GALNT16: variants seen among roughly 807,000 people sequenced by gnomAD.
GALNT16 encodes the protein UDP-GalNAc:polypeptide N-acetylgalactosaminyltransferase-like protein 1.
A neutral mutation model predicts 76.1 loss-of-function variants in GALNT16; 40 were observed. The observed-to-expected ratio is 0.53, with a 90% CI of 0.41 to 0.68. The LOEUF is 0.68. GALNT16 is among the 30% of genes least tolerant of loss of function. The pLI is 0.00. For synonymous variants in GALNT16, 276 were observed against 285.2 expected (o/e 0.97, Z 0.32); for missense variants, 621 against 731.9 (o/e 0.85, Z 1.75).
At chr14:69,283,988 A>T (rs1202690875) in intron 1 of GALNT16, among the ~76,000 whole-genome samples, 1 of 152,184 alleles carries the variant, frequency 6.6e-6, no homozygotes, top group African/African-American at 2.4e-5. Context: ...GGCATGGATA[A>T]ATACCAGGAG....
intron 1 of GALNT16, among the ~76,000 whole-genome samples, chr14:69,307,792 T>C (rs546377064): frequency 1.3e-5 from 2 of 152,268 alleles, no homozygotes; most frequent in East Asian, 3.9e-4. Flanking sequence ...ATGGCACCAA[T>C]TGCCCATGTG....
intron 1 of GALNT16, among the ~76,000 whole-genome samples, chr14:69,316,425 A>G (rs946311655): frequency 8.5e-5 from 13 of 152,238 alleles, no homozygotes; most frequent in African/African-American, 3.1e-4. Flanking sequence ...GGGGAGAGGT[A>G]GCCAAAACCC....
At position 69,333,632 on chromosome 14, in the gene GALNT16, C is replaced by T. The variant is rs764588389; in HGVS notation, c.967+32C>T. 11 of 1,118,242 alleles carry T rather than the reference C, an allele frequency of 9.8e-6. No homozygotes were observed. The highest frequency in any genetic ancestry group is 1.1e-5 in the Non-Finnish European group (8 of 738,554). 69.3% of individuals were successfully genotyped at this position (1,118,242 alleles called of 1,614,324 possible). ...TGGGAAATAGTGACAGTGAAAATAA[C>T]AGTAGCAGTAATAACCACAGTTAAC... On this transcript the variant is annotated intron_variant, in intron 9 of 14. Transcript: ENST00000448469. The surrounding 1 kb of genome is among the most constrained non-coding windows in gnomAD (Gnocchi z 4.2).
the GALNT16 span, among the ~76,000 whole-genome samples, chr14:69,377,705 G>C: frequency 6.9e-6 from 1 of 145,522 alleles, no homozygotes; most frequent in Non-Finnish European, 1.5e-5. Flanking sequence ...CAGCTACACA[G>C]GAGGCTAAGG....
chr14:69,292,513 G>A (rs759472732), intron 1 of GALNT16, among the ~76,000 whole-genome samples: 7 of 152,202 alleles, frequency 4.6e-5, no homozygotes, highest in African/African-American at 9.7e-5. Context: ...GCGCATCTCC[G>A]TCCTAATGAC....
intron 12 of GALNT16, among the ~76,000 whole-genome samples, chr14:69,346,769 C>T (rs968570822): frequency 2.6e-5 from 4 of 152,182 alleles, no homozygotes; most frequent in Non-Finnish European, 5.9e-5. Flanking sequence ...AGCCTGAGCT[C>T]CGCCCATGGC....
intron 1 of GALNT16, among the ~76,000 whole-genome samples, chr14:69,273,496 A>G (rs1303421102): frequency 6.6e-6 from 1 of 152,204 alleles, no homozygotes; most frequent in African/African-American, 2.4e-5. Flanking sequence ...GGGCTTGGAA[A>G]GGGACCCTAG....
chr14:69,329,759 G>T lies in GALNT16; in HGVS notation c.690+1188G>T, dbSNP rs191094723. ...AGTAGGTACCTCACATGGCGAGAGT[G>T]GGGGCAAGAGAGAGTTGGGTGGAGG... On this transcript the variant is annotated intron_variant, in intron 6 of 14. Coordinates refer to ENST00000448469, the MANE Select transcript of GALNT16 (RefSeq NM_001168368.2). 5.3e-5 allele frequency among the ~76,000 whole-genome samples: 8 copies of T among 152,182 alleles called. No individual in the cohort carries two copies. The East Asian group carries it at 1.5e-3, about 29-fold the overall frequency.
At chr14:69,260,870 C>T (rs961374362) in intron 1 of GALNT16, among the ~76,000 whole-genome samples, 1 of 151,838 alleles carries the variant, frequency 6.6e-6, no homozygotes, top group African/African-American at 2.4e-5. Context: ...CGCAGCCGAG[C>T]GCGTAGGTGG....
Position 69,352,995 on chromosome 14 carries a change from C to A in GALNT16, c.*827C>A, listed in dbSNP as rs1175595857. Among the ~76,000 whole-genome samples, 1 of 152,138 alleles carries A rather than the reference C, an allele frequency of 6.6e-6. No homozygotes were observed. Among genetic ancestry groups the A allele is most frequent in the Non-Finnish European group, 1.5e-5 (1 of 68,026 alleles). ...GTAGTTTATTAAACAGACTCCACTT[C>A]TATTTGGCCATGTGTCAGGCTGAGA... On this transcript the variant is annotated 3_prime_UTR_variant, in exon 15 of 15. Coordinates refer to ENST00000448469, the MANE Select transcript of GALNT16 (RefSeq NM_001168368.2).
At chr14:69,325,774 C>T (rs1351588515) in intron 4 of GALNT16, among the ~76,000 whole-genome samples, 188 bp from the exon 5 acceptor site, 1 of 152,224 alleles carries the variant, frequency 6.6e-6, no homozygotes, top group Non-Finnish European at 1.5e-5. Context: ...TAGGTACAGG[C>T]ACTCCTCAGT....
At chr14:69,260,614 C>A in intron 1 of GALNT16, 147 bp downstream of exon 1, 2 of 472,402 alleles carry the variant, frequency 4.2e-6, no homozygotes, top group Non-Finnish European at 6.3e-6. Flanking sequence ...CATTCCTGCC[C>A]GTTGTTATGG....
chr14:69,260,494 C>G, intron 1 of GALNT16, 27 bp downstream of exon 1: 2 of 1,344,520 alleles, frequency 1.5e-6, no homozygotes, highest in Non-Finnish European at 1.9e-6. Flanking sequence ...CGTCGGCCGG[C>G]CGGCTAGGGA....
chr14:69,379,200 A>T, the GALNT16 span, among the ~76,000 whole-genome samples: 1 of 152,170 alleles, frequency 6.6e-6, no homozygotes, highest in Admixed American at 6.5e-5. Flanking sequence ...TCAACCTCCC[A>T]AAGTGCTGGG....
the GALNT16 span, among the ~76,000 whole-genome samples, chr14:69,369,169 G>A: frequency 1.3e-5 from 2 of 152,298 alleles, no homozygotes; most frequent in Middle Eastern, 3.4e-3. Context: ...ATGAGGGCCT[G>A]ATGAAGGCAC....
chr14:69,323,029 G>A (rs1237881839), intron 2 of GALNT16, among the ~76,000 whole-genome samples: 7 of 147,538 alleles, frequency 4.7e-5, no homozygotes, highest in African/African-American at 7.5e-5. Context: ...AGCAAAGGAC[G>A]TGCTGGCTTT....
Position 69,352,351 on chromosome 14 carries a change from C to T in GALNT16, c.*183C>T. The T allele has an allele frequency of 1.6e-6, 1 of 612,312 alleles. No homozygotes were observed. Among genetic ancestry groups the T allele is most frequent in the East Asian group, 2.8e-5 (1 of 35,356 alleles). 37.9% of individuals were successfully genotyped at this position (612,312 alleles called of 1,614,324 possible). ...CTAGGAGGGCGCAGGCGGGCACGCCCCGATGCCCTCAGTGCTGTCCTGGCC... is the reference window on the plus strand; with the variant it reads ...CTAGGAGGGCGCAGGCGGGCACGCCTCGATGCCCTCAGTGCTGTCCTGGCC... On this transcript the variant is annotated 3_prime_UTR_variant, in exon 15 of 15. Coordinates refer to ENST00000448469, the MANE Select transcript of GALNT16 (RefSeq NM_001168368.2).
At chr14:69,290,630 T>G (rs142777927) in intron 1 of GALNT16, among the ~76,000 whole-genome samples, 2 of 152,326 alleles carry the variant, frequency 1.3e-5, no homozygotes, top group Non-Finnish European at 2.9e-5. Context: ...AGATTCACGT[T>G]AAGAATGTGA....
chr14:69,304,088 C>G (rs2044896346), intron 1 of GALNT16, among the ~76,000 whole-genome samples: 1 of 152,108 alleles, frequency 6.6e-6, no homozygotes, highest in Non-Finnish European at 1.5e-5. Context: ...GGGATCAGCT[C>G]ACGTTTAATG....
Sources: gnomAD v4.1 joint callset for allele counts (sites outside exome capture counted in the v4.1 genomes callset) on GRCh38, gnomAD v4.1.1 for gene constraint, Gnocchi (gnomAD v3.1) non-coding constraint, MANE v1.5 for transcripts, NCBI Gene and HGNC (gene_info 2026-07-23, HGNC 2026-07-21) for gene names.